Variants in SLC38A10 observed in about 807,000 individuals in gnomAD.
The protein encoded by SLC38A10 is solute carrier family 38 member 10, also known as Sodium-coupled neutral amino acid transporter 10.
SLC38A10 carries 53 observed loss-of-function variants against 81.0 expected under a neutral mutation model. That is an observed-to-expected ratio of 0.65 (90% CI 0.53 to 0.82). SLC38A10 has a LOEUF of 0.82. Among genes scored for constraint, SLC38A10 ranks in the 40% least tolerant of loss-of-function variants. The probability of loss-of-function intolerance (pLI) is 0.00; values close to 1 mark genes in which losing one functional copy is unlikely to be tolerated. For missense variants in SLC38A10, 1,471 were observed against 1,545.0 expected, an observed-to-expected ratio of 0.95 and a Z score of 0.80; for synonymous variants, 665 against 655.3, an observed-to-expected ratio of 1.01 and a Z score of -0.23.
rs754530635 is a variant in SLC38A10 at position 81,245,980 on chromosome 17, T to C, written c.2936A>G (p.His979Arg). The change falls in exon 16 of 16, where the codon CAT becomes CGT. Residue 979 changes from histidine to arginine, a missense_variant. His to Arg is a conservative substitution (Grantham distance 29, BLOSUM62 0). Transcript: ENST00000374759. ...QGGQQGHRLD[H>R]GGHLEMRKAR... Reference sequence around the variant, plus strand: ...CTTTCTCATCTCCAGGTGACCGCCATGGTCCAGCCGGTGGCCCTGCTGTCC... The same window carrying C: ...CTTTCTCATCTCCAGGTGACCGCCACGGTCCAGCCGGTGGCCCTGCTGTCC... 4 of 1,603,796 alleles carry C rather than the reference T, an allele frequency of 2.5e-6. No individual in the cohort carries two copies. Among genetic ancestry groups the C allele is most frequent in the Non-Finnish European group, 2.6e-6 (3 of 1,174,356 alleles).
Position 81,283,247 on chromosome 17 carries a change from C to T in SLC38A10, c.357+162G>A, listed in dbSNP as rs532276933. On this transcript the variant is annotated intron_variant, in intron 4 of 15. Coordinates refer to ENST00000374759, the MANE Select transcript of SLC38A10 (RefSeq NM_001037984.3). The surrounding 1 kb of genome is among the most constrained non-coding windows in gnomAD (Gnocchi z 4.7). Reference sequence around the variant, plus strand: ...GCGTGTACCTCTCACAGACGTGACCCAGCAAAGCCCCCGCACTCCACCAAG... The same window carrying T: ...GCGTGTACCTCTCACAGACGTGACCTAGCAAAGCCCCCGCACTCCACCAAG... 6.6e-6 allele frequency among the ~76,000 whole-genome samples: 1 copy of T among 152,292 alleles called. No homozygotes were observed. The highest frequency in any genetic ancestry group is 6.5e-5 in the Admixed American group (1 of 15,304).
At chr17:81,271,249 T>C (rs1161169942) in intron 9 of SLC38A10, among the ~76,000 whole-genome samples, 1 of 152,206 alleles carries the variant, frequency 6.6e-6, no homozygotes, top group Non-Finnish European at 1.5e-5. Flanking sequence ...TGATGGTTCA[T>C]CTTTAAAGAG....
rs1163901280 is a variant in SLC38A10, at chr17:81,265,132, G to C, written c.1132-4738C>G. On this transcript the variant is annotated intron_variant, in intron 10 of 15. Coordinates refer to ENST00000374759, the MANE Select transcript of SLC38A10 (RefSeq NM_001037984.3). The surrounding 1 kb of genome is among the most constrained non-coding windows in gnomAD (Gnocchi z 4.2). ...GTGGTGGCTCACACCTATAATCCCA[G>C]CACTTTGGGAGGCCAAGGCGAGTGG... The C allele has an allele frequency of 6.6e-6, 1 of 152,366 alleles. No individual in the cohort carries two copies. Among genetic ancestry groups the C allele is most frequent in the Non-Finnish European group, 1.5e-5 (1 of 68,150 alleles). 9.4% of individuals were successfully genotyped at this position (152,366 alleles called of 1,614,324 possible). A position where few individuals can be genotyped will look rare whatever the true frequency, so the allele number is the denominator to read the frequency against.
In SLC38A10 at chr17:81,257,372, A is replaced by C. The variant is rs544656464; in HGVS notation, c.1288+2866T>G. Among the ~76,000 whole-genome samples, 19 of 152,226 alleles carry C rather than the reference A, an allele frequency of 1.2e-4. No homozygotes were observed. In the East Asian group the frequency reaches 3.3e-3, roughly 26 times the overall value. ...TGGCCTCCCACAGTGCTGAGATTCC[A>C]GGTGTGAGCTGCTGTACCGGCCCGG... is the stretch of plus-strand genomic sequence containing the variant. On this transcript the variant is annotated intron_variant, in intron 11 of 15. Transcript: ENST00000374759.
At chr17:81,252,926 G>A in intron 12 of SLC38A10, 147 bp downstream of exon 12, 7 of 1,197,814 alleles carry the variant, frequency 5.8e-6, no homozygotes, top group Non-Finnish European at 5.8e-6. Context: ...TTGAAAGACA[G>A]AGAAAACAAA....
At chr17:81,293,628 T>C (rs1368586879) in intron 1 of SLC38A10, among the ~76,000 whole-genome samples, 1 of 152,186 alleles carries the variant, frequency 6.6e-6, no homozygotes, top group East Asian at 1.9e-4. Context: ...TGCACCACCA[T>C]GCCCAGCTAA....
rs944821692 is a variant in SLC38A10, at chr17:81,281,058, G to A, written c.502-325C>T. Among the ~76,000 whole-genome samples, 10 of 152,218 alleles carry A rather than the reference G, an allele frequency of 6.6e-5. No individual in the cohort carries two copies. Among genetic ancestry groups the A allele is most frequent in the East Asian group, 1.9e-4 (1 of 5,198 alleles). ...AGCATGCATGGCCCCAGTTTCCGTCGGTTACAGAGGCTGGTTTCCCACGTG... is the reference window on the plus strand; with the variant it reads ...AGCATGCATGGCCCCAGTTTCCGTCAGTTACAGAGGCTGGTTTCCCACGTG... On this transcript the variant is annotated intron_variant, in intron 5 of 15. Transcript: ENST00000374759. The surrounding 1 kb of genome is among the most constrained non-coding windows in gnomAD (Gnocchi z 5.3).
intron 11 of SLC38A10, among the ~76,000 whole-genome samples, chr17:81,256,876 G>T (rs1173319629): frequency 6.6e-6 from 1 of 152,194 alleles, no homozygotes; most frequent in African/African-American, 2.4e-5. Flanking sequence ...TGGTACCCGG[G>T]TGTCTGGGCT....
intron 5 of SLC38A10, 142 bp from the exon 6 acceptor site, chr17:81,280,875 C>G: frequency 1.6e-6 from 2 of 1,234,890 alleles, no homozygotes. Flanking sequence ...CACCCTGTGC[C>G]GCCCTGTGCC....
In SLC38A10 at chr17:81,288,869, C is replaced by G. The variant is rs556167046; in HGVS notation, c.217+822G>C. On this transcript the variant is annotated intron_variant, in intron 2 of 15. Coordinates refer to ENST00000374759, the MANE Select transcript of SLC38A10 (RefSeq NM_001037984.3). This position sits in a 1 kb window ranked among gnomAD's most constrained non-coding sequence, Gnocchi z 5.4. ...AGGCATCTGGTGTCCAGGAGAGACACAGAGAGAGCAGGTCTGCACCAGCAC... is the reference window on the plus strand; with the variant it reads ...AGGCATCTGGTGTCCAGGAGAGACAGAGAGAGAGCAGGTCTGCACCAGCAC... 3.3e-5 allele frequency: 5 copies of G among 152,434 alleles called. No homozygotes were observed. Among genetic ancestry groups the G allele is most frequent in the East Asian group, 3.9e-4 (2 of 5,186 alleles). 9.4% of individuals were successfully genotyped at this position (152,434 alleles called of 1,614,324 possible). A position where few individuals can be genotyped will look rare whatever the true frequency, so the allele number is the denominator to read the frequency against.
At chr17:81,251,187 C>T (rs766481389) in intron 14 of SLC38A10, 12 of 1,532,082 alleles carry the variant, frequency 7.8e-6, no homozygotes, top group African/African-American at 1.4e-5. Context: ...ATGGTAATCA[C>T]AAGCCAAGTG....
At position 81,277,271 on chromosome 17, in the gene SLC38A10, C is replaced by T. The variant is rs1476795025; in HGVS notation, c.627-138G>A. ...GCAACATTCTCTGCACACTGGAAGT[C>T]CCAGCGCTGAGGCCAGGACTTGGTG... On this transcript the variant is annotated intron_variant, in intron 6 of 15. Transcript: ENST00000374759. This position sits in a 1 kb window ranked among gnomAD's most constrained non-coding sequence, Gnocchi z 4.5. 1 of 755,682 alleles carries T rather than the reference C, an allele frequency of 1.3e-6. No homozygotes were observed. The highest frequency in any genetic ancestry group is 2.2e-5 in the Admixed American group (1 of 46,190). 46.8% of individuals were successfully genotyped at this position (755,682 alleles called of 1,614,324 possible). A position where few individuals can be genotyped will look rare whatever the true frequency, so the allele number is the denominator to read the frequency against.
At chr17:81,255,949 T>C (rs994851559) in intron 11 of SLC38A10, among the ~76,000 whole-genome samples, 4 of 152,092 alleles carry the variant, frequency 2.6e-5, no homozygotes, top group Admixed American at 6.5e-5. Context: ...GCCACTGCAC[T>C]CCAGCCTGGG....
At chr17:81,259,915 A>C (rs1411942289) in intron 11 of SLC38A10, among the ~76,000 whole-genome samples, 2 of 152,208 alleles carry the variant, frequency 1.3e-5, no homozygotes, top group Non-Finnish European at 2.9e-5. Context: ...AATGAATAAC[A>C]GCACGTGAGC....
At chr17:81,274,610 C>T (rs1188060148) in intron 8 of SLC38A10, among the ~76,000 whole-genome samples, 5 of 152,206 alleles carry the variant, frequency 3.3e-5, no homozygotes, top group African/African-American at 1.2e-4. Flanking sequence ...AGGAGGGGAA[C>T]CTGGACGGGG....
At chr17:81,291,873 C>T (rs908582931) in intron 1 of SLC38A10, among the ~76,000 whole-genome samples, 7 of 152,168 alleles carry the variant, frequency 4.6e-5, no homozygotes, top group African/African-American at 1.7e-4. Context: ...CAGGACCCAC[C>T]CACCTCAGTT....
At chr17:81,251,326 G>A (rs376043796) in intron 14 of SLC38A10, 167 bp downstream of exon 14, 13 of 1,612,848 alleles carry the variant, frequency 8.1e-6, no homozygotes, top group Middle Eastern at 1.6e-4. Context: ...AGCTGCTGAT[G>A]GGAAGGGAGC....
intron 10 of SLC38A10, chr17:81,263,374 A>G (rs1598389815): frequency 6.6e-6 from 1 of 152,602 alleles, no homozygotes; most frequent in East Asian, 1.9e-4. Flanking sequence ...CCCCATCAGG[A>G]GAGCCATCCC....
chr17:81,294,255 T>TCCTGA (rs1487254197), intron 1 of SLC38A10, among the ~76,000 whole-genome samples: 11 of 152,344 alleles, frequency 7.2e-5, no homozygotes, highest in African/African-American at 2.6e-4. Flanking sequence ...GTTCTCGAAC[T>TCCTGA]CCTGACCTCA....
Sources: gnomAD v4.1 joint callset for allele counts (sites outside exome capture counted in the v4.1 genomes callset) on GRCh38, gnomAD v4.1.1 for gene constraint, Gnocchi (gnomAD v3.1) non-coding constraint, MANE v1.5 for transcripts, NCBI Gene and HGNC (gene_info 2026-07-23, HGNC 2026-07-21) for gene names.